Variants in SUPT5H observed in about 807,000 individuals in gnomAD.
The protein encoded by SUPT5H is transcription elongation factor SPT5.
A neutral mutation model predicts 142.5 loss-of-function variants in SUPT5H; 24 were observed. That is an observed-to-expected ratio of 0.17 (90% CI 0.12 to 0.24). SUPT5H has a LOEUF of 0.24. SUPT5H is among the 10% of genes least tolerant of loss of function. The pLI is 1.00. For missense variants in SUPT5H, 893 were observed against 1,471.8 expected (o/e 0.61, Z 6.43); for synonymous variants, 546 against 553.0 (o/e 0.99, Z 0.18).
chr19:39,468,943 G>A, intron 14 of SUPT5H, 82 bp downstream of exon 14: 1 of 1,549,836 alleles, frequency 6.5e-7, no homozygotes, highest in South Asian at 1.1e-5. Context: ...TGGGTTATCT[G>A]GTTCTGTCCC....
Position 39,470,461 on chromosome 19 carries a change from C to G in SUPT5H, c.1615C>G (p.Leu539Val), listed in dbSNP as rs779754608. The G allele has an allele frequency of 1.0e-5, 16 of 1,604,508 alleles. No individual in the cohort carries two copies. Among genetic ancestry groups the G allele is most frequent in the Admixed American group, 1.7e-5 (1 of 58,984 alleles). ...DVGGQHEWGE[L>V]VQLDPQTVGV... ...TGGGGGCCAGCATGAATGGGGCGAG[C>G]TGGTGCAGCTGGATCCCCAGACTGT... Residue 539 changes from leucine (L) to valine (V), a missense_variant, in exon 18 of 30, where the codon CTG becomes GTG. Transcript: ENST00000432763. The surrounding 1 kb of genome is among the most constrained non-coding windows in gnomAD (Gnocchi z 5.8).
In SUPT5H at chr19:39,470,454, G is replaced by A; in HGVS notation, c.1608G>A (p.Trp536Ter). ...TGGATGTTGGGGGCCAGCATGAATG[G>A]GGCGAGCTGGTGCAGCTGGATCCCC... ...SGVDVGGQHEWGELVQLDPQT... is the reference protein window; with the variant it reads ...SGVDVGGQHE Residue 536 changes from tryptophan (W) to a stop codon, truncating the protein, a stop_gained, in exon 18 of 30, where the codon TGG becomes TGA. Transcript: ENST00000432763. LOFTEE classifies it high-confidence loss of function. The surrounding 1 kb of genome is among the most constrained non-coding windows in gnomAD (Gnocchi z 5.8). The A allele has an allele frequency of 6.2e-7, 1 of 1,606,752 alleles. No individual in the cohort carries two copies. Among genetic ancestry groups the A allele is most frequent in the Non-Finnish European group, 8.5e-7 (1 of 1,175,872 alleles).
chr19:39,469,918 G>T lies in SUPT5H; in HGVS notation c.1375-201G>T. On this transcript the variant is annotated intron_variant, in intron 16 of 29. Coordinates refer to ENST00000432763, the MANE Select transcript of SUPT5H (RefSeq NM_001111020.3). This position sits in a 1 kb window ranked among gnomAD's most constrained non-coding sequence, Gnocchi z 5.1. ...GGCGGGCTGGGGTAAAGGTTGTCCAGGTTGGTGTCCTGTGTCTGGGGTCAG... is the reference window on the plus strand; with the variant it reads ...GGCGGGCTGGGGTAAAGGTTGTCCATGTTGGTGTCCTGTGTCTGGGGTCAG... The T allele has an allele frequency of 1.6e-6, 1 of 630,324 alleles. No homozygotes were observed. 39.0% of individuals were successfully genotyped at this position (630,324 alleles called of 1,614,324 possible). A position where few individuals can be genotyped will look rare whatever the true frequency, so the allele number is the denominator to read the frequency against.
chr19:39,474,803 G>A lies in SUPT5H; in HGVS notation c.3024+85G>A. On this transcript the variant is annotated intron_variant, in intron 28 of 29. Coordinates refer to ENST00000432763, the MANE Select transcript of SUPT5H (RefSeq NM_001111020.3). This position sits in a 1 kb window ranked among gnomAD's most constrained non-coding sequence, Gnocchi z 6.5. ...GGAGACAGACCTGTCCCCAGATGGT[G>A]ACAGCCCAGAGTGGGCAGAGCTGGG... 1 of 1,450,014 alleles carries A rather than the reference G, an allele frequency of 6.9e-7. No individual in the cohort carries two copies. Among genetic ancestry groups the A allele is most frequent in the Non-Finnish European group, 9.4e-7 (1 of 1,065,480 alleles). 89.8% of individuals were successfully genotyped at this position (1,450,014 alleles called of 1,614,324 possible).
chr19:39,465,097 C>T, intron 11 of SUPT5H, 48 bp downstream of exon 11: 4 of 1,572,410 alleles, frequency 2.5e-6, no homozygotes, highest in Non-Finnish European at 2.6e-6. Context: ...CCATTCTGTT[C>T]TCCCTTCCTT....
At position 39,470,395 on chromosome 19, in the gene SUPT5H, G is replaced by A; in HGVS notation, c.1549G>A (p.Asp517Asn). 1.3e-6 allele frequency: 2 copies of A among 1,585,228 alleles called. No individual in the cohort carries two copies. Among genetic ancestry groups the A allele is most frequent in the Admixed American group, 1.8e-5 (1 of 56,936 alleles). ...TMHELKVLPR[D>N]LQLCSETASG... ...CTGGCAGCTGAAGGTGCTCCCCCGG[G>A]ACCTGCAGCTCTGCTCAGAGACAGC... The change falls in exon 18 of 30, where the codon GAC becomes AAC. Residue 517 changes from aspartate to asparagine, a missense_variant. Physicochemically the swap from Asp to Asn is conservative, Grantham distance 23. Coordinates refer to ENST00000432763, the MANE Select transcript of SUPT5H (RefSeq NM_001111020.3). The surrounding 1 kb of genome is among the most constrained non-coding windows in gnomAD (Gnocchi z 5.8).
Position 39,447,035 on chromosome 19 carries a change from C to T in SUPT5H, c.75+1070C>T, listed in dbSNP as rs140090349. ...AAAATATTAGCTGAGCTTGGTGGCA[C>T]GCTTCTGTAGTCCCAGCTACTTGGG... On this transcript the variant is annotated intron_variant, in intron 2 of 29. Transcript: ENST00000432763. Among the ~76,000 whole-genome samples the T allele has an allele frequency of 2.4e-3, 365 of 152,062 alleles. 1 individual carries two copies. The highest frequency in any genetic ancestry group is 6.8e-3 in the Middle Eastern group (2 of 294).
chr19:39,472,939 G>A lies in SUPT5H; in HGVS notation c.2155+10G>A, dbSNP rs368094815. 111 of 1,611,106 alleles carry A rather than the reference G, an allele frequency of 6.9e-5. No individual in the cohort carries two copies. The highest frequency in any genetic ancestry group is 1.6e-4 in the Middle Eastern group (1 of 6,078). ...CAGGGGCCCTACAAAGGTGACCTGC[G>A]AGGCCTGTGGAGGCCTGGGGAGGGG... On this transcript the variant is annotated intron_variant, in intron 22 of 29. Transcript: ENST00000432763. The surrounding 1 kb of genome is among the most constrained non-coding windows in gnomAD (Gnocchi z 4.2).
intron 28 of SUPT5H, among the ~76,000 whole-genome samples, chr19:39,475,661 C>G (rs1011968281): frequency 1.3e-5 from 2 of 152,068 alleles, no homozygotes; most frequent in Non-Finnish European, 2.9e-5. Context: ...GAGAGACCCT[C>G]ACGGGCTGAA....
chr19:39,461,265 G>A (rs2079157473), intron 10 of SUPT5H, among the ~76,000 whole-genome samples: 1 of 152,066 alleles, frequency 6.6e-6, no homozygotes, highest in Non-Finnish European at 1.5e-5. Context: ...ACTCCAGCCT[G>A]GGCGACAGAG....
chr19:39,453,580 T>A (rs537400796), intron 3 of SUPT5H, 59 bp downstream of exon 3: 3 of 1,430,736 alleles, frequency 2.1e-6, no homozygotes, highest in South Asian at 3.1e-5. Context: ...TTTAGTTCCA[T>A]TTCTTTTTCT....
chr19:39,459,833 T>A, intron 9 of SUPT5H, 59 bp from the exon 10 acceptor site: 1 of 1,580,856 alleles, frequency 6.3e-7, no homozygotes, highest in Non-Finnish European at 8.7e-7. Context: ...TCCTTCCCCC[T>A]TTCCTGTGTC....
At chr19:39,454,582 C>T (rs1032272607) in intron 3 of SUPT5H, among the ~76,000 whole-genome samples, 4 of 151,904 alleles carry the variant, frequency 2.6e-5, no homozygotes, top group African/African-American at 7.3e-5. Flanking sequence ...CCTTGTGATC[C>T]GCCCGCCCTG....
intron 2 of SUPT5H, among the ~76,000 whole-genome samples, chr19:39,448,215 G>A (rs1197253285): frequency 1.3e-5 from 2 of 152,218 alleles, no homozygotes; most frequent in African/African-American, 4.8e-5. Flanking sequence ...GATGGAGAGT[G>A]CTGTGTGTTT....
In SUPT5H at chr19:39,472,901, C is replaced by G; in HGVS notation, c.2127C>G (p.Thr709=). The change falls in exon 22 of 30, where the codon ACC becomes ACG. Residue 709 remains threonine, a synonymous_variant. Coordinates refer to ENST00000432763, the MANE Select transcript of SUPT5H (RefSeq NM_001111020.3). This position sits in a 1 kb window ranked among gnomAD's most constrained non-coding sequence, Gnocchi z 4.2. ...GRRDNELIGQ[T]VRISQGPYKG... ...GGGACAACGAACTCATCGGCCAGAC[C>G]GTGCGCATCTCCCAGGGGCCCTACA... is the stretch of plus-strand genomic sequence containing the variant. The G allele has an allele frequency of 6.2e-7, 1 of 1,613,708 alleles. No individual in the cohort carries two copies. Among genetic ancestry groups the G allele is most frequent in the Non-Finnish European group, 8.5e-7 (1 of 1,179,812 alleles).
At position 39,473,976 on chromosome 19, in the gene SUPT5H, T is replaced by C. The variant is rs1318889234; in HGVS notation, c.2506T>C (p.Tyr836His). 6.2e-7 allele frequency: 1 copy of C among 1,613,820 alleles called. No homozygotes were observed. The highest frequency in any genetic ancestry group is 8.5e-7 in the Non-Finnish European group (1 of 1,179,950). ...TTCTCCCAACAGGGCTGAGGAAGAATATGAGTATGCTTTCGATGATGAGCC... is the reference window on the plus strand; with the variant it reads ...TTCTCCCAACAGGGCTGAGGAAGAACATGAGTATGCTTTCGATGATGAGCC... ...PNTPSRAEEE[Y>H]EYAFDDEPTP... Residue 836 changes from tyrosine (Y) to histidine (H), a missense_variant, in exon 26 of 30, where the codon TAT (tyrosine) becomes CAT (histidine). Transcript: ENST00000432763. The surrounding 1 kb of genome is among the most constrained non-coding windows in gnomAD (Gnocchi z 5.8).
intron 8 of SUPT5H, 144 bp from the exon 9 acceptor site, chr19:39,459,415 C>G: frequency 7.5e-7 from 1 of 1,332,582 alleles, no homozygotes; most frequent in Non-Finnish European, 1.1e-6. Context: ...TTTCCTCTTG[C>G]TCCTGGGTAG....
At position 39,465,199 on chromosome 19, in the gene SUPT5H, G is replaced by T; in HGVS notation, c.876+150G>T. ...GAGCCTGGGTTTTGTGAGCACACAG[G>T]AAACGGTTGGCTGTCTTCTGTGCAC... On this transcript the variant is annotated intron_variant, in intron 11 of 29. Transcript: ENST00000432763. 4 of 1,219,014 alleles carry T rather than the reference G, an allele frequency of 3.3e-6. No individual in the cohort carries two copies. In the South Asian group the frequency reaches 4.5e-5, roughly 14 times the overall value. The allele number at this position is 1,219,014 out of a possible 1,614,324, so 75.5% of individuals were successfully genotyped here.
chr19:39,475,117 C>T, intron 28 of SUPT5H: 1 of 238,286 alleles, frequency 4.2e-6, no homozygotes, highest in Non-Finnish European at 8.3e-6. Flanking sequence ...CAGTGCTTCA[C>T]ACCTGTAATC....
Sources: allele counts gnomAD v4.1 joint callset (sites outside exome capture counted in the v4.1 genomes callset), GRCh38; gene constraint gnomAD v4.1.1; non-coding constraint Gnocchi (gnomAD v3.1); transcripts MANE v1.5; gene names NCBI Gene and HGNC (gene_info 2026-07-23, HGNC 2026-07-21).